HTT: variants seen among roughly 807,000 people sequenced by gnomAD.
HTT encodes the protein huntingtin.
In HTT, 104 loss-of-function variants were observed where a neutral mutation model predicts 362.3. The ratio of observed to expected loss-of-function variants is 0.29; its 90% CI spans 0.24 to 0.34. The LOEUF is 0.34. HTT is among the 10% of genes least tolerant of loss of function. The pLI, the probability that HTT is intolerant of heterozygous loss-of-function variation, is 1.00. For synonymous variants in HTT, 1,577 were observed against 1,548.7 expected (o/e 1.02, Z -0.43); for missense variants, 3,301 against 3,928.6 (o/e 0.84, Z 4.27).
intron 52 of HTT, 83 bp from the exon 53 acceptor site, chr4:3,220,099 A>G: frequency 6.7e-7 from 1 of 1,502,542 alleles, no homozygotes. Context: ...AGCCCAGTGG[A>G]GAGAAGTCGG....
intron 30 of HTT, among the ~76,000 whole-genome samples, chr4:3,172,657 C>T (rs1430267997): frequency 6.6e-6 from 1 of 152,178 alleles, no homozygotes; most frequent in Non-Finnish European, 1.5e-5. Context: ...CTTCCAGTCC[C>T]TCGGAGTTTC....
intron 41 of HTT, among the ~76,000 whole-genome samples, chr4:3,201,212 T>A (rs1328151885): frequency 6.6e-6 from 1 of 152,236 alleles, no homozygotes; most frequent in Non-Finnish European, 1.5e-5. Context: ...TCTGTATTGT[T>A]CCTTCTATTA....
At chr4:3,110,999 A>G (rs1714717145) in intron 6 of HTT, among the ~76,000 whole-genome samples, 1 of 151,156 alleles carries the variant, frequency 6.6e-6, no homozygotes, top group Non-Finnish European at 1.5e-5. Flanking sequence ...TCTTCTATTC[A>G]TTGTTATGTT....
intron 4 of HTT, among the ~76,000 whole-genome samples, chr4:3,104,609 A>T (rs1207982525): frequency 6.6e-6 from 1 of 152,088 alleles, no homozygotes; most frequent in Non-Finnish European, 1.5e-5. Context: ...CTTTGTCTCA[A>T]AAAATAAAAA....
chr4:3,127,737 G>A, intron 12 of HTT, 133 bp downstream of exon 12: 1 of 662,820 alleles, frequency 1.5e-6, no homozygotes. Context: ...ACTGAGGCAG[G>A]CGGATCACTT....
intron 3 of HTT, among the ~76,000 whole-genome samples, chr4:3,099,850 C>G (rs1400448158): frequency 7.1e-6 from 1 of 140,986 alleles, no homozygotes; most frequent in African/African-American, 2.7e-5. Flanking sequence ...TGGAAGTGCT[C>G]TTGTATGGTT....
At chr4:3,229,782 C>G in intron 59 of HTT, 105 bp from the exon 60 acceptor site, 2 of 1,224,412 alleles carry the variant, frequency 1.6e-6, no homozygotes, top group Middle Eastern at 3.8e-4. Flanking sequence ...AGTAATGTCT[C>G]TTGGGTGTAA....
At chr4:3,082,842 C>T (rs1047776295) in intron 1 of HTT, among the ~76,000 whole-genome samples, 2 of 152,082 alleles carry the variant, frequency 1.3e-5, no homozygotes, top group Non-Finnish European at 2.9e-5. Flanking sequence ...GCGGAGAGCT[C>T]CCAGCCATTG....
chr4:3,213,338 G>A (rs530609057), intron 49 of HTT, among the ~76,000 whole-genome samples: 1 of 152,384 alleles, frequency 6.6e-6, no homozygotes. Context: ...TAGTGGGGAA[G>A]TGGGAAAGTC....
intron 60 of HTT, 147 bp downstream of exon 60, chr4:3,230,189 A>C (rs1946952383): frequency 3.1e-6 from 2 of 647,540 alleles, no homozygotes; most frequent in African/African-American, 3.6e-5. Context: ...CGTGAGCTGC[A>C]GTGCTTCTCA....
At chr4:3,170,748 G>T in intron 29 of HTT, among the ~76,000 whole-genome samples, 1 of 152,164 alleles carries the variant, frequency 6.6e-6, no homozygotes, top group Non-Finnish European at 1.5e-5. Flanking sequence ...TTAGTCTCTC[G>T]TCTCCCAGGG....
rs917155102 is a variant in HTT, at chr4:3,160,278, C to T, written c.3754-4C>T. ...CCGTGTGTTCTCTCCTTCACCTTCC[C>T]AAGGTCACGCTGGATCTTCAGAACA... On this transcript the variant is annotated splice_region_variant and splice_polypyrimidine_tract_variant and intron_variant, in intron 28 of 66. Coordinates refer to ENST00000355072, the MANE Select transcript of HTT (RefSeq NM_001388492.1). 4.5e-6 allele frequency: 7 copies of T among 1,542,256 alleles called. No homozygotes were observed. Among genetic ancestry groups the T allele is most frequent in the Non-Finnish European group, 5.3e-6 (6 of 1,138,238 alleles).
intron 28 of HTT, among the ~76,000 whole-genome samples, chr4:3,158,398 T>C (rs1717266873): frequency 6.6e-6 from 1 of 152,208 alleles, no homozygotes; most frequent in South Asian, 2.1e-4. Context: ...ATGTGAACAA[T>C]AGAATCAACT....
At chr4:3,175,379 C>T (rs185270564) in intron 33 of HTT, among the ~76,000 whole-genome samples, 3 of 152,324 alleles carry the variant, frequency 2.0e-5, no homozygotes, top group African/African-American at 7.2e-5. Flanking sequence ...ATCCACTTGC[C>T]TCCCCTCCAA....
At chr4:3,165,065 G>GT (rs530578403) in intron 29 of HTT, among the ~76,000 whole-genome samples, 22 of 152,286 alleles carry the variant, frequency 1.4e-4, no homozygotes, top group Non-Finnish European at 2.6e-4. Flanking sequence ...GGTACTGGTT[G>GT]TTCCTTTCCA....
At chr4:3,213,876 C>T (rs144076430) in intron 49 of HTT, 82 bp from the exon 50 acceptor site, 16 of 1,313,424 alleles carry the variant, frequency 1.2e-5, no homozygotes, top group South Asian at 5.0e-5. Flanking sequence ...GTGCTTTGGA[C>T]GGTTCCACAA....
chr4:3,175,144 C>A (rs748710218), intron 33 of HTT, 37 bp downstream of exon 33: 1 of 1,564,632 alleles, frequency 6.4e-7, no homozygotes. Flanking sequence ...CATACCTGTT[C>A]CTAATTTAGT....
chr4:3,125,289 A>G (rs1442934643), intron 10 of HTT, among the ~76,000 whole-genome samples: 1 of 152,150 alleles, frequency 6.6e-6, no homozygotes, highest in Non-Finnish European at 1.5e-5. Context: ...AATTATTAAA[A>G]TGTTTTGTGG....
intron 9 of HTT, chr4:3,121,849 A>G (rs1211685247): frequency 6.5e-6 from 1 of 154,306 alleles, no homozygotes; most frequent in East Asian, 1.9e-4. Context: ...GTGACAGAGC[A>G]AGATGCTGTC....
Sources: allele counts gnomAD v4.1 joint callset (sites outside exome capture counted in the v4.1 genomes callset), GRCh38; gene constraint gnomAD v4.1.1; transcripts MANE v1.5; gene names NCBI Gene and HGNC (gene_info 2026-07-23, HGNC 2026-07-21).